PSMB7: variants seen among roughly 807,000 people sequenced by gnomAD.
The protein encoded by PSMB7 is proteasome subunit beta type-7.
In PSMB7, 5 loss-of-function variants were observed where a neutral mutation model predicts 28.1. The ratio of observed to expected loss-of-function variants is 0.18; its 90% confidence interval spans 0.09 to 0.37. PSMB7 has a LOEUF of 0.37. Ranked by LOEUF, PSMB7 falls within the 10% of genes least tolerant of loss-of-function variation. The pLI is 1.00. For missense variants in PSMB7, 275 were observed against 346.2 expected, an observed-to-expected ratio of 0.79 and a Z score of 1.63; for synonymous variants, 122 against 123.7, an observed-to-expected ratio of 0.99 and a Z score of 0.09.
intron 6 of PSMB7, among the ~76,000 whole-genome samples, chr9:124,375,755 G>A (rs1830604928): frequency 1.3e-5 from 2 of 152,226 alleles, no homozygotes; most frequent in Admixed American, 1.3e-4. Flanking sequence ...AAAACTCTGT[G>A]TTTGATGCCA....
At position 124,368,959 on chromosome 9, in the gene PSMB7, C is replaced by T. The variant is rs911823010; in HGVS notation, c.571-12044G>A. Among the ~76,000 whole-genome samples the T allele has an allele frequency of 9.2e-5, 14 of 152,278 alleles. 1 individual carries two copies. Among genetic ancestry groups the T allele is most frequent in the Admixed American group, 5.9e-4 (9 of 15,300 alleles). ...CACACTCCACCCAGCCCATTCTTAC[C>T]GCTCTATCCCCTAATTCCATTCAGC... On this transcript the variant is annotated intron_variant, in intron 6 of 7. Transcript: ENST00000259457.
chr9:124,368,265 A>T (rs2131148863), intron 6 of PSMB7, among the ~76,000 whole-genome samples: 1 of 152,356 alleles, frequency 6.6e-6, no homozygotes, highest in Middle Eastern at 3.4e-3. Context: ...GTCTCCAAAA[A>T]TACAAATGAT....
At chr9:124,413,856 AG>A in intron 3 of PSMB7, 51 bp downstream of exon 3, 1 of 1,300,042 alleles carries the variant, frequency 7.7e-7, no homozygotes. Flanking sequence ...GTCAATTTTT[AG>A]CCCTGACATG....
chr9:124,369,191 T>A lies in PSMB7; in HGVS notation c.571-12276A>T, dbSNP rs577827209. 2.6e-4 allele frequency among the ~76,000 whole-genome samples: 40 copies of A among 152,372 alleles called. 4 individuals are homozygous for A. Among genetic ancestry groups the A allele is most frequent in the South Asian group, 2.5e-3 (12 of 4,830 alleles). On this transcript the variant is annotated intron_variant, in intron 6 of 7. Coordinates refer to ENST00000259457, the MANE Select transcript of PSMB7 (RefSeq NM_002799.4). ...AAATCTGTACCACTAGGTGGAATTT[T>A]AAAATATCTATTTAGTACAACTTCC...
chr9:124,398,736 G>A (rs1046348945), intron 5 of PSMB7, among the ~76,000 whole-genome samples: 1 of 152,140 alleles, frequency 6.6e-6, no homozygotes, highest in Non-Finnish European at 1.5e-5. Flanking sequence ...CACATCTGTA[G>A]GATGATAAAA....
chr9:124,398,044 C>A (rs1830859327), intron 5 of PSMB7, among the ~76,000 whole-genome samples: 1 of 152,098 alleles, frequency 6.6e-6, no homozygotes, highest in South Asian at 2.1e-4. Flanking sequence ...TAATTATAGG[C>A]ACACGCCTGT....
intron 6 of PSMB7, among the ~76,000 whole-genome samples, chr9:124,380,074 C>G (rs1360393358): frequency 6.6e-6 from 1 of 152,140 alleles, no homozygotes; most frequent in African/African-American, 2.4e-5. Context: ...CACAGGGACA[C>G]AAATAAATGA....
intron 6 of PSMB7, among the ~76,000 whole-genome samples, chr9:124,362,647 T>TA (rs1184185090): frequency 6.6e-6 from 1 of 152,148 alleles, no homozygotes; most frequent in Non-Finnish European, 1.5e-5. Context: ...GTTCAAGAGA[T>TA]ATATTGTACA....
At chr9:124,399,655 A>G (rs1026312887) in intron 5 of PSMB7, among the ~76,000 whole-genome samples, 1 of 152,224 alleles carries the variant, frequency 6.6e-6, no homozygotes, top group African/African-American at 2.4e-5. Flanking sequence ...CGTGACTGCA[A>G]CACTGCAGCC....
chr9:124,362,179 C>G (rs527336553), intron 6 of PSMB7, among the ~76,000 whole-genome samples: 96 of 152,270 alleles, frequency 6.3e-4, no homozygotes, highest in African/African-American at 2.1e-3. Context: ...TTTGACATAA[C>G]TGATTTGTAA....
At chr9:124,397,419 C>T (rs1221851157) in intron 5 of PSMB7, among the ~76,000 whole-genome samples, 1 of 152,214 alleles carries the variant, frequency 6.6e-6, no homozygotes, top group East Asian at 1.9e-4. Flanking sequence ...GAGTCCTGCT[C>T]CTGGACCCAG....
intron 5 of PSMB7, chr9:124,396,898 C>T (rs544726775): frequency 1.4e-4 from 61 of 441,768 alleles, no homozygotes; most frequent in Middle Eastern, 4.2e-4. Context: ...AAAGAACCCA[C>T]ATTATGTCTA....
intron 5 of PSMB7, among the ~76,000 whole-genome samples, chr9:124,401,789 G>C (rs1830910651): frequency 6.6e-6 from 1 of 152,156 alleles, no homozygotes; most frequent in Non-Finnish European, 1.5e-5. Flanking sequence ...GGGAGGCAGA[G>C]GCCGGCAGAT....
At chr9:124,413,607 A>G (rs1831053797) in intron 3 of PSMB7, among the ~76,000 whole-genome samples, 2 of 152,164 alleles carry the variant, frequency 1.3e-5, no homozygotes, top group African/African-American at 4.8e-5. Context: ...GTTCAAGTTA[A>G]TGTTTGAAAA....
At chr9:124,360,565 T>C (rs1287283028) in intron 6 of PSMB7, among the ~76,000 whole-genome samples, 2 of 152,262 alleles carry the variant, frequency 1.3e-5, no homozygotes, top group Admixed American at 6.5e-5. Context: ...AGTGTGGCGA[T>C]GGGCGAGTAG....
intron 5 of PSMB7, among the ~76,000 whole-genome samples, chr9:124,403,680 T>C (rs984222195): frequency 6.6e-6 from 1 of 152,182 alleles, no homozygotes; most frequent in Non-Finnish European, 1.5e-5. Flanking sequence ...TACAACTTGG[T>C]GTGGTAGGTA....
At chr9:124,375,112 G>GA (rs955433573) in intron 6 of PSMB7, among the ~76,000 whole-genome samples, 38 of 139,734 alleles carry the variant, frequency 2.7e-4, no homozygotes, top group Admixed American at 3.5e-4. Flanking sequence ...CATCTCAAAA[G>GA]AAAAAAAAAA....
At chr9:124,390,037 C>T (rs944559437) in intron 5 of PSMB7, among the ~76,000 whole-genome samples, 1 of 152,174 alleles carries the variant, frequency 6.6e-6, no homozygotes. Flanking sequence ...ATAACTACAT[C>T]AAGACTCCAA....
intron 5 of PSMB7, among the ~76,000 whole-genome samples, chr9:124,403,357 T>G (rs1488369446): frequency 6.6e-6 from 1 of 151,972 alleles, no homozygotes; most frequent in African/African-American, 2.4e-5. Flanking sequence ...AAATCCCATC[T>G]CTACAAAAAA....
Sources: gnomAD v4.1 joint callset for allele counts (sites outside exome capture counted in the v4.1 genomes callset) on GRCh38, gnomAD v4.1.1 for gene constraint, MANE v1.5 for transcripts, NCBI Gene and HGNC (gene_info 2026-07-23, HGNC 2026-07-21) for gene names.